Variants in DOCK8 observed in about 807,000 individuals in gnomAD.
DOCK8 encodes the protein dedicator of cytokinesis 8, also known as dedicator of cytokinesis protein 8.
DOCK8 carries 141 observed loss-of-function variants against 245.6 expected under a neutral mutation model. The ratio of observed to expected loss-of-function variants is 0.57; its 90% CI spans 0.50 to 0.66. The LOEUF is 0.66. Ranked by LOEUF, DOCK8 falls within the 30% of genes least tolerant of loss-of-function variation. The pLI is 0.00. For missense variants in DOCK8, 2,965 were observed against 2,603.4 expected, an observed-to-expected ratio of 1.14 and a Z score of -3.02; for synonymous variants, 1,168 against 970.2, an observed-to-expected ratio of 1.20 and a Z score of -3.79.
chr9:344,582 A>G (rs998152112), intron 14 of DOCK8, among the ~76,000 whole-genome samples: 2 of 152,008 alleles, frequency 1.3e-5, no homozygotes, highest in Admixed American at 6.6e-5. Context: ...ATTTCTGTCC[A>G]TTTTCCTCTC....
chr9:220,360 A>G (rs1290003348), intron 1 of DOCK8, among the ~76,000 whole-genome samples: 1 of 152,196 alleles, frequency 6.6e-6, no homozygotes, highest in Non-Finnish European at 1.5e-5. Context: ...ATTTATGTAT[A>G]TTGATGAAGC....
chr9:305,246 A>G (rs571383471), intron 5 of DOCK8, among the ~76,000 whole-genome samples: 38 of 152,294 alleles, frequency 2.5e-4, no homozygotes, highest in South Asian at 4.1e-4. Flanking sequence ...TGCCTAGTCA[A>G]TGCTGGTCAC....
intron 28 of DOCK8, among the ~76,000 whole-genome samples, chr9:409,201 G>C (rs1219150439): frequency 6.6e-6 from 1 of 151,944 alleles, no homozygotes; most frequent in Non-Finnish European, 1.5e-5. Flanking sequence ...CTCAGTACCT[G>C]AACCCCTAGG....
intron 2 of DOCK8, among the ~76,000 whole-genome samples, chr9:277,985 T>A (rs951843706): frequency 6.6e-6 from 1 of 152,234 alleles, no homozygotes; most frequent in African/African-American, 2.4e-5. Context: ...ATTCTTCTGA[T>A]TCTGTTGTTC....
chr9:449,728 G>A, intron 44 of DOCK8, 56 bp from the exon 45 acceptor site: 1 of 1,611,084 alleles, frequency 6.2e-7, no homozygotes, highest in Non-Finnish European at 8.5e-7. Flanking sequence ...CTCCAGGCTT[G>A]TCCATAGCTT....
chr9:404,260 C>A (rs2055311259), intron 26 of DOCK8, among the ~76,000 whole-genome samples: 1 of 151,816 alleles, frequency 6.6e-6, no homozygotes, highest in African/African-American at 2.4e-5. Flanking sequence ...CCTTTTTCTG[C>A]TTTTCATTGC....
chr9:389,968 C>T (rs965612888), intron 23 of DOCK8, among the ~76,000 whole-genome samples: 16 of 151,610 alleles, frequency 1.1e-4, no homozygotes, highest in African/African-American at 3.4e-4. Context: ...TTGCAGTGAG[C>T]GAGATTACGC....
At chr9:344,002 C>T (rs2051740895) in intron 14 of DOCK8, among the ~76,000 whole-genome samples, 2 of 152,188 alleles carry the variant, frequency 1.3e-5, no homozygotes, top group South Asian at 2.1e-4. Context: ...TGTAGGAGGG[C>T]AAAGGAGGAC....
At chr9:307,771 T>G (rs1022452865) in intron 5 of DOCK8, among the ~76,000 whole-genome samples, 3 of 152,136 alleles carry the variant, frequency 2.0e-5, no homozygotes, top group African/African-American at 7.2e-5. Flanking sequence ...ACTCCCATGT[T>G]TATTGCAGCA....
intron 12 of DOCK8, among the ~76,000 whole-genome samples, chr9:336,935 G>A (rs559081199): frequency 2.2e-4 from 34 of 152,280 alleles, no homozygotes; most frequent in African/African-American, 7.9e-4. Context: ...AAAATCCAAA[G>A]TTGAGGGCCC....
At chr9:373,370 A>T (rs1490006710) in intron 18 of DOCK8, among the ~76,000 whole-genome samples, 2 of 152,200 alleles carry the variant, frequency 1.3e-5, no homozygotes, top group African/African-American at 4.8e-5. Context: ...CCATCACAAT[A>T]CCATTGTCAT....
At chr9:296,829 T>A (rs2049278961) in intron 4 of DOCK8, among the ~76,000 whole-genome samples, 1 of 152,190 alleles carries the variant, frequency 6.6e-6, no homozygotes, top group Non-Finnish European at 1.5e-5. Flanking sequence ...CTTGACCTGT[T>A]GTGCATAGAC....
At chr9:255,649 T>C (rs562151563) in intron 1 of DOCK8, among the ~76,000 whole-genome samples, 8 of 104,134 alleles carry the variant, frequency 7.7e-5, no homozygotes, top group African/African-American at 2.3e-4. Context: ...GCCTGGGGGA[T>C]AGAGCAAGAC....
chr9:414,835 C>G lies in DOCK8; in HGVS notation c.3584C>G (p.Ser1195Cys). ...AVSAIHSLLSSHDLDPRCVKP... is the reference protein window; with the variant it reads ...AVSAIHSLLSCHDLDPRCVKP... ...AGTGCAATTCACAGCCTGCTAAGTTCTCACGACCTGGACCCACGCTGTGTC... is the reference window on the plus strand; with the variant it reads ...AGTGCAATTCACAGCCTGCTAAGTTGTCACGACCTGGACCCACGCTGTGTC... The change falls in exon 29 of 48, where the codon TCT (serine) becomes TGT (cysteine). Residue 1195 changes from serine (S) to cysteine (C), a missense_variant. By Grantham distance (112) the Ser-to-Cys change is moderately radical (BLOSUM62 -1). Coordinates refer to ENST00000432829, the MANE Select transcript of DOCK8 (RefSeq NM_203447.4). 1.2e-6 allele frequency: 2 copies of G among 1,614,176 alleles called. No individual in the cohort carries two copies. The highest frequency in any genetic ancestry group is 1.7e-6 in the Non-Finnish European group (2 of 1,180,022).
At chr9:267,527 T>C (rs1034132061) in intron 1 of DOCK8, among the ~76,000 whole-genome samples, 12 of 152,220 alleles carry the variant, frequency 7.9e-5, no homozygotes, top group African/African-American at 2.9e-4. Context: ...TTTAAAATTA[T>C]GAACTTACAT....
chr9:399,664 A>G (rs942062952), intron 26 of DOCK8, among the ~76,000 whole-genome samples: 4 of 151,832 alleles, frequency 2.6e-5, no homozygotes, highest in Admixed American at 2.0e-4. Flanking sequence ...TGATGCTCCG[A>G]CTTGAAAGAA....
At chr9:371,291 T>A (rs1402040390) in intron 16 of DOCK8, 137 bp from the exon 17 acceptor site, 1 of 980,228 alleles carries the variant, frequency 1.0e-6, no homozygotes, top group African/African-American at 1.6e-5. Context: ...GACTTCCAGC[T>A]TCAGAGCAGA....
At chr9:307,751 A>C (rs1287376326) in intron 5 of DOCK8, among the ~76,000 whole-genome samples, 1 of 152,164 alleles carries the variant, frequency 6.6e-6, no homozygotes, top group Non-Finnish European at 1.5e-5. Flanking sequence ...TATATCAAAG[A>C]GACATCTGCA....
chr9:464,424 G>A lies in DOCK8; in HGVS notation c.*205G>A, dbSNP rs1345877620. 2.7e-5 allele frequency: 17 copies of A among 636,392 alleles called. 1 individual carries two copies. Among genetic ancestry groups the A allele is most frequent in the Middle Eastern group, 4.1e-4 (1 of 2,424 alleles). 39.4% of individuals were successfully genotyped at this position (636,392 alleles called of 1,614,324 possible). A position where few individuals can be genotyped will look rare whatever the true frequency, so the allele number is the denominator to read the frequency against. On this transcript the variant is annotated 3_prime_UTR_variant, in exon 48 of 48. Coordinates refer to ENST00000432829, the MANE Select transcript of DOCK8 (RefSeq NM_203447.4). ...GATTTTTGCCATACTGGGGGGTGGC[G>A]GGATGGAGGATGGGTACTCAGGCAT...
Sources: allele counts gnomAD v4.1 joint callset (sites outside exome capture counted in the v4.1 genomes callset), GRCh38; gene constraint gnomAD v4.1.1; transcripts MANE v1.5; gene names NCBI Gene and HGNC (gene_info 2026-07-23, HGNC 2026-07-21).